Variants in DCC observed in about 807,000 individuals in gnomAD.
DCC encodes DCC netrin 1 receptor, also known as netrin receptor DCC.
DCC carries 58 observed loss-of-function variants against 172.5 expected under a neutral mutation model. The observed-to-expected ratio is 0.34, with a 90% confidence interval of 0.27 to 0.42. The LOEUF (loss-of-function observed/expected upper bound fraction) is 0.42, where lower values mean the gene tolerates loss of function less well. Ranked by LOEUF, DCC falls within the 10% of genes least tolerant of loss-of-function variation. The pLI, the probability that DCC is intolerant of heterozygous loss-of-function variation, is 1.00. For synonymous variants in DCC, 709 were observed against 644.5 expected, an observed-to-expected ratio of 1.10 and a Z score of -1.52; for missense variants, 1,740 against 1,791.0, an observed-to-expected ratio of 0.97 and a Z score of 0.51.
chr18:52,767,672 CAA>C (rs1313384511), intron 2 of DCC, among the ~76,000 whole-genome samples: 1 of 152,100 alleles, frequency 6.6e-6, no homozygotes, highest in Non-Finnish European at 1.5e-5. Flanking sequence ...CCATTTTTCC[CAA>C]GTCTTATTTT....
intron 13 of DCC, among the ~76,000 whole-genome samples, chr18:53,306,859 G>A (rs530547047): frequency 1.3e-5 from 2 of 152,244 alleles, no homozygotes; most frequent in South Asian, 2.1e-4. Flanking sequence ...GAAGTTGAGC[G>A]ACTCTGAAGT....
intron 9 of DCC, among the ~76,000 whole-genome samples, chr18:53,182,953 CATCA>C (rs1268313832): frequency 6.6e-6 from 1 of 152,100 alleles, no homozygotes; most frequent in Non-Finnish European, 1.5e-5. Flanking sequence ...AAAACGTTTT[CATCA>C]ATATTTCTTT....
chr18:53,359,109 A>C (rs529522806), intron 15 of DCC, among the ~76,000 whole-genome samples: 1 of 152,332 alleles, frequency 6.6e-6, no homozygotes, highest in African/African-American at 2.4e-5. Flanking sequence ...CTCAAGGTTC[A>C]GTGAACAAAC....
At chr18:52,764,723 T>C (rs2037216618) in intron 2 of DCC, among the ~76,000 whole-genome samples, 1 of 151,858 alleles carries the variant, frequency 6.6e-6, no homozygotes, top group African/African-American at 2.4e-5. Context: ...GTTTTTTCTT[T>C]ATAAGTTATC....
intron 1 of DCC, among the ~76,000 whole-genome samples, chr18:52,579,302 G>T (rs1598928334): frequency 1.3e-5 from 2 of 152,118 alleles, no homozygotes; most frequent in East Asian, 3.9e-4. Context: ...TATATACAAA[G>T]TATTATAAGA....
chr18:53,381,053 A>G (rs1907688430), intron 15 of DCC, among the ~76,000 whole-genome samples: 1 of 152,076 alleles, frequency 6.6e-6, no homozygotes, highest in South Asian at 2.1e-4. Context: ...ATGACTCGAG[A>G]TTTGGTAGGT....
chr18:52,826,709 C>A (rs1421051349), intron 2 of DCC, among the ~76,000 whole-genome samples: 1 of 151,956 alleles, frequency 6.6e-6, no homozygotes, highest in Non-Finnish European at 1.5e-5. Flanking sequence ...GAACTCCTGA[C>A]CTCAAATTAT....
intron 7 of DCC, among the ~76,000 whole-genome samples, chr18:53,139,325 G>C (rs1411157269): frequency 6.6e-6 from 1 of 152,108 alleles, no homozygotes; most frequent in Non-Finnish European, 1.5e-5. Flanking sequence ...AAAATCACTG[G>C]ACCTCATTCC....
At chr18:52,497,309 AT>A (rs2144617974) in intron 1 of DCC, among the ~76,000 whole-genome samples, 1 of 94,830 alleles carries the variant, frequency 1.1e-5, no homozygotes, top group East Asian at 3.1e-4. Flanking sequence ...ATATATATAT[AT>A]ATATACACAC....
At chr18:52,503,502 G>T (rs2031110295) in intron 1 of DCC, among the ~76,000 whole-genome samples, 1 of 152,138 alleles carries the variant, frequency 6.6e-6, no homozygotes, top group African/African-American at 2.4e-5. Context: ...AAAATATACA[G>T]TAGGAAAAGC....
intron 5 of DCC, among the ~76,000 whole-genome samples, chr18:52,948,883 G>T (rs1305378961): frequency 6.6e-6 from 1 of 152,148 alleles, no homozygotes; most frequent in African/African-American, 2.4e-5. Context: ...GCTTAAGTGT[G>T]TTGCTTGGTC....
At chr18:52,962,462 C>T (rs1172012460) in intron 5 of DCC, among the ~76,000 whole-genome samples, 4 of 150,730 alleles carry the variant, frequency 2.7e-5, no homozygotes, top group Non-Finnish European at 4.5e-5. Context: ...ACAACAGGTG[C>T]TGGAGAGGAT....
intron 1 of DCC, among the ~76,000 whole-genome samples, chr18:52,429,257 A>G (rs574669508): frequency 1.8e-4 from 27 of 152,188 alleles, no homozygotes; most frequent in Non-Finnish European, 2.6e-4. Context: ...AATTTACAAT[A>G]AGGAAACTGA....
At chr18:52,341,834 G>C (rs138295563) in intron 1 of DCC, among the ~76,000 whole-genome samples, 102 of 152,182 alleles carry the variant, frequency 6.7e-4, no homozygotes, top group Middle Eastern at 3.4e-3. Flanking sequence ...CTGGGGTACA[G>C]TGAGCGGTCC....
In DCC at chr18:52,835,801, G is replaced by T. The variant is rs148769158; in HGVS notation, c.413-70243G>T. The stretch of plus-strand genomic sequence containing the variant: ...TTATTGACAAAAACTTCTTTGATAC[G>T]CATTTTATTTTTAAAAAATCTTTTC... On this transcript the variant is annotated intron_variant, in intron 2 of 28. Transcript: ENST00000442544. Among the ~76,000 whole-genome samples the T allele has an allele frequency of 7.2e-5, 11 of 152,070 alleles. No homozygotes were observed. In the East Asian group the frequency reaches 7.7e-4, roughly 11 times the overall value.
At position 52,809,216 on chromosome 18, in the gene DCC, A is replaced by G. The variant is rs375305506; in HGVS notation, c.412+56842A>G. On this transcript the variant is annotated intron_variant, in intron 2 of 28. Coordinates refer to ENST00000442544, the MANE Select transcript of DCC (RefSeq NM_005215.4). ...TAGTACAAATATTGTTATTGTTGCT[A>G]GTTTTAAATTTTGCCAAGGACATAC... 12 of 152,362 alleles carry G rather than the reference A, an allele frequency of 7.9e-5. 1 individual carries two copies. The East Asian group carries it at 2.3e-3, about 29-fold the overall frequency. The allele number at this position is 152,362 out of a possible 1,614,324, so 9.4% of individuals were successfully genotyped here.
chr18:52,973,483 T>C (rs942962620), intron 5 of DCC, among the ~76,000 whole-genome samples: 9 of 152,208 alleles, frequency 5.9e-5, no homozygotes, highest in Non-Finnish European at 1.5e-5. Context: ...CCCTTTCTCA[T>C]ATTTCTGCTC....
chr18:52,879,412 C>CCTT (rs2039447955), intron 2 of DCC, among the ~76,000 whole-genome samples: 1 of 62,356 alleles, frequency 1.6e-5, no homozygotes. Flanking sequence ...TGTTGTTTGG[C>CCTT]TTTTTTTTTT....
At chr18:53,273,267 A>G (rs1432079208) in intron 12 of DCC, among the ~76,000 whole-genome samples, 4 of 152,122 alleles carry the variant, frequency 2.6e-5, no homozygotes, top group Non-Finnish European at 5.9e-5. Flanking sequence ...GAAATTATAC[A>G]TGAGCCTCTG....
Sources: gnomAD v4.1 joint callset for allele counts (sites outside exome capture counted in the v4.1 genomes callset) on GRCh38, gnomAD v4.1.1 for gene constraint, MANE v1.5 for transcripts, NCBI Gene and HGNC (gene_info 2026-07-23, HGNC 2026-07-21) for gene names.